SPECC1: variants seen among roughly 807,000 people sequenced by gnomAD.
The protein encoded by SPECC1 is cytospin-B.
In SPECC1, 62 loss-of-function variants were observed where a neutral mutation model predicts 104.1. The observed-to-expected ratio is 0.60, with a 90% CI of 0.49 to 0.74. The LOEUF (loss-of-function observed/expected upper bound fraction) is 0.74. Ranked by LOEUF, SPECC1 falls within the 30% of genes least tolerant of loss-of-function variation. The pLI is 0.00. For synonymous variants in SPECC1, 513 were observed against 501.6 expected, an observed-to-expected ratio of 1.02 and a Z score of -0.30; for missense variants, 1,306 against 1,310.5, an observed-to-expected ratio of 1.00 and a Z score of 0.05.
At chr17:20,218,452 C>T (rs1167452316) in intron 4 of SPECC1, among the ~76,000 whole-genome samples, 1 of 152,162 alleles carries the variant, frequency 6.6e-6, no homozygotes, top group East Asian at 1.9e-4. Context: ...AGAGCACAAC[C>T]TGCAATGATC....
intron 3 of SPECC1, among the ~76,000 whole-genome samples, chr17:20,203,668 TG>T (rs1377373005): frequency 6.6e-6 from 1 of 152,272 alleles, no homozygotes; most frequent in East Asian, 1.9e-4. Flanking sequence ...ATGTTAATGA[TG>T]TTTTTTAAAG....
At chr17:20,268,977 G>A (rs904324444) in intron 12 of SPECC1, among the ~76,000 whole-genome samples, 7 of 152,144 alleles carry the variant, frequency 4.6e-5, no homozygotes, top group Admixed American at 1.3e-4. Context: ...CAGACTGTTC[G>A]CACAGCAGAT....
chr17:20,040,461 T>C lies in SPECC1; in HGVS notation c.-22+31037T>C, dbSNP rs61365494. On this transcript the variant is annotated intron_variant, in intron 1 of 14. Transcript: ENST00000395527. ...TGTTTCTGGATTCCTTCTTTCATCA[T>C]TTTTTGGTCTGTTGCATGATCTTCC... Among the ~76,000 whole-genome samples, 502 of 152,310 alleles carry C rather than the reference T, an allele frequency of 3.3e-3. 3 individuals are homozygous for C. Among genetic ancestry groups the C allele is most frequent in the African/African-American group, 0.011 (471 of 41,574 alleles).
chr17:20,130,960 G>T (rs1287668824), intron 3 of SPECC1, among the ~76,000 whole-genome samples: 1 of 152,070 alleles, frequency 6.6e-6, no homozygotes, highest in African/African-American at 2.4e-5. Context: ...TTACACCTAA[G>T]TATTTATTTT....
chr17:20,024,259 G>T (rs1966818733), intron 1 of SPECC1, among the ~76,000 whole-genome samples: 1 of 152,288 alleles, frequency 6.6e-6, no homozygotes, highest in Non-Finnish European at 1.5e-5. Context: ...GTACAGCGTG[G>T]CTGAGTTTAC....
chr17:20,092,659 C>T (rs1173195939), intron 1 of SPECC1, among the ~76,000 whole-genome samples: 3 of 152,218 alleles, frequency 2.0e-5, no homozygotes, highest in African/African-American at 7.2e-5. Flanking sequence ...CAGAGCAGCG[C>T]TCCGTTGAAC....
intron 1 of SPECC1, among the ~76,000 whole-genome samples, chr17:20,075,027 C>T (rs971640128): frequency 4.6e-5 from 7 of 152,168 alleles, no homozygotes; most frequent in South Asian, 2.1e-4. Flanking sequence ...CATAGCCTCC[C>T]GAGTAGCTGA....
intron 3 of SPECC1, among the ~76,000 whole-genome samples, chr17:20,124,757 A>G (rs1452233834): frequency 6.6e-6 from 1 of 152,230 alleles, no homozygotes; most frequent in Non-Finnish European, 1.5e-5. Context: ...ACAGGCTCAG[A>G]ACACTCATAT....
chr17:20,018,055 G>A (rs906144127), intron 1 of SPECC1: 2 of 152,478 alleles, frequency 1.3e-5, no homozygotes, highest in African/African-American at 4.8e-5. Context: ...TATTCCATGT[G>A]AGGGGAAGGG....
chr17:20,281,579 TGAG>T (rs759919697), intron 12 of SPECC1, among the ~76,000 whole-genome samples: 14 of 152,174 alleles, frequency 9.2e-5, no homozygotes, highest in Non-Finnish European at 1.3e-4. Flanking sequence ...AGATGGCTCA[TGAG>T]GAGATTTCTC....
intron 6 of SPECC1, 53 bp downstream of exon 6, chr17:20,231,884 C>CGAG: frequency 1.0e-5 from 16 of 1,550,900 alleles, no homozygotes; most frequent in Non-Finnish European, 1.4e-5. Flanking sequence ...TTACCCGCTC[C>CGAG]GAGGTGTGGA....
intron 3 of SPECC1, chr17:20,112,687 C>A: frequency 2.8e-6 from 3 of 1,089,700 alleles, no homozygotes; most frequent in Admixed American, 3.4e-5. Flanking sequence ...AAGGAGCATC[C>A]CTGAAACTGT....
chr17:20,305,857 GA>G (rs945969667), intron 13 of SPECC1, 165 bp from the exon 14 acceptor site: 8 of 555,060 alleles, frequency 1.4e-5, no homozygotes, highest in East Asian at 3.1e-5. Context: ...GCAACCTGTT[GA>G]TTTTTTTTTT....
At chr17:20,055,863 T>C (rs1483170858) in intron 1 of SPECC1, among the ~76,000 whole-genome samples, 1 of 152,236 alleles carries the variant, frequency 6.6e-6, no homozygotes, top group Non-Finnish European at 1.5e-5. Flanking sequence ...TCTCCAGGCT[T>C]GCAGGCTTGT....
chr17:20,316,703 GTTTT>G lies in SPECC1; in HGVS notation c.*2646_*2649del, dbSNP rs58803620. 1.1e-5 allele frequency: 2 copies of G among 179,576 alleles called. No individual in the cohort carries two copies. Among genetic ancestry groups the G allele is most frequent in the Admixed American group, 6.4e-5 (1 of 15,706 alleles). The allele number at this position is 179,576 out of a possible 1,614,324, so 11.1% of individuals were successfully genotyped here. Reference sequence around the variant, plus strand: ...GTGTTTTTTTTGTTGTTGTTTGTTTGTTTTTTTTTTTGAGACAGAGTCTTGCTCT... The same window carrying G: ...GTGTTTTTTTTGTTGTTGTTTGTTTGTTTTTTTGAGACAGAGTCTTGCTCT... On this transcript the variant is annotated 3_prime_UTR_variant, in exon 15 of 15. Transcript: ENST00000395527.
chr17:20,249,814 T>C (rs1000587530), intron 9 of SPECC1, among the ~76,000 whole-genome samples: 1 of 151,556 alleles, frequency 6.6e-6, no homozygotes, highest in African/African-American at 2.4e-5. Flanking sequence ...AAGAAACATA[T>C]GGGATGGAAT....
intron 3 of SPECC1, among the ~76,000 whole-genome samples, chr17:20,116,783 C>G (rs1597742884): frequency 9.0e-6 from 1 of 111,070 alleles, no homozygotes; most frequent in African/African-American, 3.3e-5. Context: ...ACCCAGGGAA[C>G]AATTGGCAGT....
chr17:20,253,427 T>G lies in SPECC1; in HGVS notation c.2599-78T>G. On this transcript the variant is annotated intron_variant, in intron 9 of 14. Coordinates refer to ENST00000395527, the MANE Select transcript of SPECC1 (RefSeq NM_001243439.2). The stretch of plus-strand genomic sequence containing the variant: ...TTAAGAACTGTTGCACACACACGCA[T>G]GCACACACACACATCTGTGTTTGTG... The G allele has an allele frequency of 3.6e-6, 5 of 1,403,692 alleles. No individual in the cohort carries two copies. In the South Asian group the frequency reaches 6.0e-5, roughly 17 times the overall value. 87.0% of individuals were successfully genotyped at this position (1,403,692 alleles called of 1,614,324 possible).
At chr17:20,266,659 G>T (rs2040229480) in intron 12 of SPECC1, among the ~76,000 whole-genome samples, 1 of 152,186 alleles carries the variant, frequency 6.6e-6, no homozygotes, top group Non-Finnish European at 1.5e-5. Context: ...TGCTCTCATG[G>T]AACTTAAATC....
Sources: gnomAD v4.1 joint callset for allele counts (sites outside exome capture counted in the v4.1 genomes callset) on GRCh38, gnomAD v4.1.1 for gene constraint, MANE v1.5 for transcripts, NCBI Gene and HGNC (gene_info 2026-07-23, HGNC 2026-07-21) for gene names.